The following FBXW12 variants were observed in gnomAD, a reference collection of about 807,000 sequenced individuals.
FBXW12 encodes F-box/WD repeat-containing protein 12.
FBXW12 carries 43 observed loss-of-function variants against 55.3 expected under a neutral mutation model. That is an observed-to-expected ratio of 0.78 (90% confidence interval 0.61 to 1.00). The LOEUF is 1.00. Among genes scored for constraint, FBXW12 ranks in the 50% least tolerant of loss-of-function variants. The pLI is 0.00. For missense variants in FBXW12, 524 were observed against 560.5 expected, an observed-to-expected ratio of 0.93 and a Z score of 0.66; for synonymous variants, 184 against 203.8, an observed-to-expected ratio of 0.90 and a Z score of 0.83.
At chr3:48,392,624 G>A (rs2036945706) in intron 10 of FBXW12, among the ~76,000 whole-genome samples, 1 of 152,100 alleles carries the variant, frequency 6.6e-6, no homozygotes, top group African/African-American at 2.4e-5. Context: ...TGCTTTATTT[G>A]TTGTTTGTTT....
intron 10 of FBXW12, 45 bp downstream of exon 10, chr3:48,382,130 T>C (rs778530907): frequency 6.2e-7 from 1 of 1,607,346 alleles, no homozygotes; most frequent in Non-Finnish European, 8.5e-7. Flanking sequence ...ACAACTTTTT[T>C]TTTTTGAGAC....
chr3:48,386,406 G>A lies in FBXW12; in HGVS notation c.1295+4321G>A, dbSNP rs150260579. On this transcript the variant is annotated intron_variant, in intron 10 of 10. Transcript: ENST00000296438. The stretch of plus-strand genomic sequence containing the variant: ...TTTGATAACTGTAGCTTTATAATAT[G>A]TTTTGAAATCAGATAATATGCCACC... Among the ~76,000 whole-genome samples, 808 of 152,290 alleles carry A rather than the reference G, an allele frequency of 5.3e-3. 5 individuals are homozygous for A. Among genetic ancestry groups the A allele is most frequent in the African/African-American group, 0.019 (772 of 41,564 alleles).
Position 48,372,835 on chromosome 3 carries a change from T to C in FBXW12, c.68T>C (p.Leu23Pro). The C allele has an allele frequency of 1.9e-6, 3 of 1,614,216 alleles. No homozygotes were observed. The highest frequency in any genetic ancestry group is 2.5e-6 in the Non-Finnish European group (3 of 1,180,024). ...IFSFLDLFGLLQVSQVNKHWN... is the reference protein window; with the variant it reads ...IFSFLDLFGLPQVSQVNKHWN... Reference sequence around the variant, plus strand: ...TCTTTCCTGGACCTGTTCGGCTTGCTGCAGGTTTCCCAGGTGAACAAGGTA... The same window carrying C: ...TCTTTCCTGGACCTGTTCGGCTTGCCGCAGGTTTCCCAGGTGAACAAGGTA... The change falls in exon 2 of 11, where the codon CTG becomes CCG. Residue 23 changes from leucine (L) to proline (P), a missense_variant. By Grantham distance (98) the Leu-to-Pro change is moderately conservative (BLOSUM62 -3). Coordinates refer to ENST00000296438, the MANE Select transcript of FBXW12 (RefSeq NM_207102.2).
intron 5 of FBXW12, 74 bp downstream of exon 5, chr3:48,375,546 C>T (rs1045842103): frequency 3.5e-6 from 3 of 855,866 alleles, no homozygotes; most frequent in Non-Finnish European, 3.6e-6. Context: ...AACGGAAGTG[C>T]TGAGAGGAAA....
At chr3:48,375,295 T>C (rs1236083627) in intron 4 of FBXW12, 59 bp from the exon 5 acceptor site, 12 of 1,001,868 alleles carry the variant, frequency 1.2e-5, no homozygotes, top group Admixed American at 5.8e-5. Flanking sequence ...AATTATCTTC[T>C]TTTGGTTTGG....
chr3:48,394,716 C>T lies in FBXW12; in HGVS notation c.*57C>T, dbSNP rs1339709473. 1 of 940,058 alleles carries T rather than the reference C, an allele frequency of 1.1e-6. No homozygotes were observed. The highest frequency in any genetic ancestry group is 1.7e-6 in the Non-Finnish European group (1 of 595,950). The allele number at this position is 940,058 out of a possible 1,614,324, so 58.2% of individuals were successfully genotyped here. ...TCTTCTGCAATGTAGTAAAGAAATTCTATTTGCAAGCCCAGAATGATTATT... is the reference window on the plus strand; with the variant it reads ...TCTTCTGCAATGTAGTAAAGAAATTTTATTTGCAAGCCCAGAATGATTATT... On this transcript the variant is annotated 3_prime_UTR_variant, in exon 11 of 11. Coordinates refer to ENST00000296438, the MANE Select transcript of FBXW12 (RefSeq NM_207102.2).
At chr3:48,394,066 C>T (rs1056724064) in intron 10 of FBXW12, among the ~76,000 whole-genome samples, 12 of 151,890 alleles carry the variant, frequency 7.9e-5, no homozygotes, top group African/African-American at 2.4e-4. Flanking sequence ...CGTGAGCCAC[C>T]GTGCCTGGCC....
At chr3:48,386,935 C>CTTA (rs1157477472) in intron 10 of FBXW12, among the ~76,000 whole-genome samples, 1 of 126,874 alleles carries the variant, frequency 7.9e-6, no homozygotes, top group African/African-American at 2.7e-5. Flanking sequence ...TTTTCTTCTT[C>CTTA]TTCTTCTTTT....
At position 48,379,424 on chromosome 3, in the gene FBXW12, T is replaced by C; in HGVS notation, c.640T>C (p.Tyr214His). Reference sequence around the variant, plus strand: ...GGTTGGCGATGCTGCAGGTGACATCTACACATTTACACTGCCTGGGTTAAG... The same window carrying C: ...GGTTGGCGATGCTGCAGGTGACATCCACACATTTACACTGCCTGGGTTAAG... ...LMVGDAAGDI[Y>H]TFTLPGLRDV... Residue 214 changes from tyrosine to histidine, a missense_variant, in exon 7 of 11, where the codon TAC (tyrosine) becomes CAC (histidine). Coordinates refer to ENST00000296438, the MANE Select transcript of FBXW12 (RefSeq NM_207102.2). The C allele has an allele frequency of 6.2e-7, 1 of 1,614,254 alleles. No individual in the cohort carries two copies. The highest frequency in any genetic ancestry group is 8.5e-7 in the Non-Finnish European group (1 of 1,180,038).
At chr3:48,383,592 A>T (rs2036808063) in intron 10 of FBXW12, among the ~76,000 whole-genome samples, 1 of 152,122 alleles carries the variant, frequency 6.6e-6, no homozygotes, top group Non-Finnish European at 1.5e-5. Context: ...TTGAAGTACA[A>T]TTTTTCTTCT....
At chr3:48,387,168 C>T (rs2036858483) in intron 10 of FBXW12, among the ~76,000 whole-genome samples, 1 of 152,116 alleles carries the variant, frequency 6.6e-6, no homozygotes, top group African/African-American at 2.4e-5. Flanking sequence ...TATAGTACAA[C>T]TCAGATTATC....
intron 10 of FBXW12, 125 bp from the exon 11 acceptor site, chr3:48,394,435 A>G (rs1437596932): frequency 1.6e-6 from 1 of 616,978 alleles, no homozygotes; most frequent in Non-Finnish European, 2.9e-6. Context: ...AACCAAATCT[A>G]AGAGCACGAA....
In FBXW12 at chr3:48,379,479, A is replaced by T; in HGVS notation, c.695A>T (p.Tyr232Phe). The change falls in exon 7 of 11, where the codon TAT becomes TTT. Residue 232 changes from tyrosine to phenylalanine, a missense_variant. Coordinates refer to ENST00000296438, the MANE Select transcript of FBXW12 (RefSeq NM_207102.2). ...RDVSKVTAFQYGIVLLHCSPD... is the reference protein window; with the variant it reads ...RDVSKVTAFQFGIVLLHCSPD... ...GTTTCTAAAGTTACTGCATTTCAAT[A>T]TGGTATTGTACTTCTACACTGCTCT... The T allele has an allele frequency of 6.2e-7, 1 of 1,613,920 alleles. No individual in the cohort carries two copies. Among genetic ancestry groups the T allele is most frequent in the Non-Finnish European group, 8.5e-7 (1 of 1,179,776 alleles).
chr3:48,384,715 G>A (rs1017493794), intron 10 of FBXW12, among the ~76,000 whole-genome samples: 7 of 152,160 alleles, frequency 4.6e-5, no homozygotes, highest in Admixed American at 3.3e-4. Flanking sequence ...TTGTTGTCAT[G>A]AATAGATGTT....
At chr3:48,376,042 C>T (rs956483096) in intron 5 of FBXW12, among the ~76,000 whole-genome samples, 3 of 121,380 alleles carry the variant, frequency 2.5e-5, no homozygotes, top group Non-Finnish European at 4.8e-5. Flanking sequence ...AGTGTAGTGG[C>T]GCGATCTCAG....
chr3:48,372,750 G>A lies in FBXW12; in HGVS notation c.-18G>A. On this transcript the variant is annotated 5_prime_UTR_variant, in exon 2 of 11. An upstream open reading frame in the 5' UTR gains an earlier in-frame stop. Transcript: ENST00000296438. ...GGAGAGGAGAAAGGAAAGTGGATGT[G>A]GGTTCAGGCCGCATGAAATGGAGAT... 1 of 1,614,164 alleles carries A rather than the reference G, an allele frequency of 6.2e-7. No homozygotes were observed. Among genetic ancestry groups the A allele is most frequent in the Non-Finnish European group, 8.5e-7 (1 of 1,180,006 alleles).
rs147987975 is a variant in FBXW12, at chr3:48,382,022, G to T, written c.1232G>T (p.Arg411Leu). ...GTGTACATGTGGGAAGAAGGAGGCC[G>T]CCATCCATACCTCAGGAGCTGCTGT... ...VHVYMWEEGG[R>L]HPYLRSCCHL... The change falls in exon 10 of 11, where the codon CGC becomes CTC. Residue 411 changes from arginine to leucine, a missense_variant. Coordinates refer to ENST00000296438, the MANE Select transcript of FBXW12 (RefSeq NM_207102.2). 5 of 1,613,374 alleles carry T rather than the reference G, an allele frequency of 3.1e-6. No homozygotes were observed. The South Asian group carries it at 5.5e-5, about 18-fold the overall frequency.
chr3:48,375,715 C>T (rs2036672717), intron 5 of FBXW12, among the ~76,000 whole-genome samples: 1 of 152,104 alleles, frequency 6.6e-6, no homozygotes, highest in African/African-American at 2.4e-5. Flanking sequence ...CGCTCTGTTC[C>T]CCAGGCTGGA....
chr3:48,380,235 A>G (rs1302615768), intron 7 of FBXW12: 1 of 156,958 alleles, frequency 6.4e-6, no homozygotes, highest in Admixed American at 6.0e-5. Flanking sequence ...AAGTGTAGAG[A>G]AGTCCAAAAG....
Sources: allele counts gnomAD v4.1 joint callset (sites outside exome capture counted in the v4.1 genomes callset), GRCh38; gene constraint gnomAD v4.1.1; transcripts MANE v1.5; gene names NCBI Gene and HGNC (gene_info 2026-07-23, HGNC 2026-07-21).